The following AGBL1 variants were observed in gnomAD, a reference collection of about 807,000 sequenced individuals.
The protein encoded by AGBL1 is AGBL carboxypeptidase 1, also known as cytosolic carboxypeptidase 4.
Under a neutral mutation model 118.9 loss-of-function variants are expected in AGBL1, and 130 were observed. The observed-to-expected ratio is 1.09, with a 90% confidence interval of 0.95 to 1.26. The LOEUF is 1.26. Ranked by LOEUF, AGBL1 falls within the 50% of genes most tolerant of loss-of-function variation. The probability of loss-of-function intolerance (pLI) is 0.00; values close to 1 mark genes in which losing one functional copy is unlikely to be tolerated. For synonymous variants in AGBL1, 555 were observed against 478.9 expected, an observed-to-expected ratio of 1.16 and a Z score of -2.08; for missense variants, 1,584 against 1,298.1, an observed-to-expected ratio of 1.22 and a Z score of -3.38.
intron 6 of AGBL1, among the ~76,000 whole-genome samples, chr15:86,230,923 C>A (rs2078445283): frequency 6.6e-6 from 1 of 152,122 alleles, no homozygotes; most frequent in Non-Finnish European, 1.5e-5. Flanking sequence ...AACAGGGCTC[C>A]TGTGAACACA....
intron 24 of AGBL1, among the ~76,000 whole-genome samples, chr15:87,028,426 T>C (rs1177610961): frequency 6.6e-6 from 1 of 151,972 alleles, no homozygotes; most frequent in African/African-American, 2.4e-5. Flanking sequence ...TATAGAACTT[T>C]TAAAGATTAA....
intron 4 of AGBL1, among the ~76,000 whole-genome samples, chr15:86,157,330 C>T (rs1326270804): frequency 2.0e-5 from 3 of 152,154 alleles, no homozygotes; most frequent in Non-Finnish European, 4.4e-5. Context: ...ATATAAAGGA[C>T]AACTCTCATT....
rs75631984 is a variant in AGBL1 at position 86,686,765 on chromosome 15, T to C, written c.3158+12329T>C. Among the ~76,000 whole-genome samples the C allele has an allele frequency of 8.9e-3, 1,354 of 152,262 alleles. 6 individuals are homozygous for C. The highest frequency in any genetic ancestry group is 0.013 in the Non-Finnish European group (917 of 68,024). On this transcript the variant is annotated intron_variant, in intron 22 of 22. Coordinates refer to ENST00000614907, the MANE Select transcript of AGBL1 (RefSeq NM_001386094.1). The stretch of plus-strand genomic sequence containing the variant: ...AAGTTTTTATTCATATGAATTTTTA[T>C]CATCTCTCACAACAAATAGTCATGA...
rs376910062 is a variant in AGBL1 at position 86,843,058 on chromosome 15, G to A, written c.3159-64029G>A. On this transcript the variant is annotated intron_variant, in intron 22 of 22. Coordinates refer to ENST00000614907, the MANE Select transcript of AGBL1 (RefSeq NM_001386094.1). Reference sequence around the variant, plus strand: ...GACATTCAAGGTAGATTTGGGGGCCGTCTACCAAGCACTTTGAGTGAGTGG... The same window carrying A: ...GACATTCAAGGTAGATTTGGGGGCCATCTACCAAGCACTTTGAGTGAGTGG... Among the ~76,000 whole-genome samples, 10 of 152,246 alleles carry A rather than the reference G, an allele frequency of 6.6e-5. No individual in the cohort carries two copies. In the East Asian group the frequency reaches 1.2e-3, roughly 18 times the overall value.
chr15:86,704,020 A>G (rs761418888), intron 22 of AGBL1, among the ~76,000 whole-genome samples: 8 of 152,196 alleles, frequency 5.3e-5, no homozygotes, highest in Non-Finnish European at 8.8e-5. Flanking sequence ...AACAAACCTG[A>G]CAAAAATAAG....
intron 17 of AGBL1, among the ~76,000 whole-genome samples, chr15:86,380,146 A>C (rs2081092086): frequency 6.6e-6 from 1 of 152,120 alleles, no homozygotes; most frequent in Non-Finnish European, 1.5e-5. Flanking sequence ...CTGACGACCA[A>C]AAAATTCTCA....
chr15:86,125,447 G>A (rs1444308), intron 1 of AGBL1, among the ~76,000 whole-genome samples: 27,963 of 152,050 alleles, frequency 0.18, 2,979 homozygotes, highest in Non-Finnish European at 0.23. Context: ...GTCCTTTTTG[G>A]CTTGTTTTGC....
chr15:86,695,834 C>T (rs2086246316), intron 22 of AGBL1, among the ~76,000 whole-genome samples: 1 of 151,898 alleles, frequency 6.6e-6, no homozygotes, highest in Non-Finnish European at 1.5e-5. Context: ...TAATTTCCAT[C>T]TTGATTTCAT....
At position 86,154,498 on chromosome 15, in the gene AGBL1, AACCT is replaced by A; in HGVS notation, c.333_336del (p.Leu112ProfsTer61). On this transcript the variant is annotated frameshift_variant, in exon 4 of 23. Transcript: ENST00000614907. LOFTEE classifies it high-confidence loss of function. ...TGTGACATTGATTCTGGCCAGGAAG[AACCT>A]ATCCCATGGCCAGAATCTCCTCCAC... 8 of 1,613,276 alleles carry A rather than the reference AACCT, an allele frequency of 5.0e-6. No homozygotes were observed. Among genetic ancestry groups the A allele is most frequent in the Non-Finnish European group, 5.9e-6 (7 of 1,179,596 alleles).
rs143453952 is a variant in AGBL1, at chr15:86,775,178, G to C, written c.3158+100742G>C. Among the ~76,000 whole-genome samples the C allele has an allele frequency of 3.3e-4, 50 of 152,234 alleles. No homozygotes were observed. The East Asian group carries it at 6.2e-3, about 19-fold the overall frequency. ...TCAATGTGGAACATGAACAGAAAGA[G>C]GCTAGAGACAGGGAGGTGACTTAAA... On this transcript the variant is annotated intron_variant, in intron 22 of 22. Transcript: ENST00000614907.
intron 17 of AGBL1, among the ~76,000 whole-genome samples, chr15:86,348,083 C>T (rs1182508542): frequency 6.6e-6 from 1 of 152,196 alleles, no homozygotes; most frequent in Non-Finnish European, 1.5e-5. Flanking sequence ...TTCTCTTTCA[C>T]CTCCCAGCTG....
intron 24 of AGBL1, among the ~76,000 whole-genome samples, chr15:87,014,446 A>G (rs952977429): frequency 2.6e-5 from 4 of 152,188 alleles, no homozygotes; most frequent in African/African-American, 4.8e-5. Context: ...AGTGACTGCA[A>G]TATTGTCCCT....
At chr15:86,233,918 C>G (rs952404627) in intron 6 of AGBL1, among the ~76,000 whole-genome samples, 2 of 152,092 alleles carry the variant, frequency 1.3e-5, no homozygotes, top group African/African-American at 4.8e-5. Flanking sequence ...CCAAGGTGGC[C>G]AGGGTGTTCC....
chr15:86,813,622 C>G (rs565234247), intron 22 of AGBL1, among the ~76,000 whole-genome samples: 1 of 152,108 alleles, frequency 6.6e-6, no homozygotes, highest in African/African-American at 2.4e-5. Flanking sequence ...CTCTGGAGTC[C>G]TCACCTGGCT....
chr15:86,691,393 A>G (rs990549567), intron 22 of AGBL1, among the ~76,000 whole-genome samples: 8 of 152,122 alleles, frequency 5.3e-5, no homozygotes, highest in Non-Finnish European at 1.0e-4. Context: ...TTCAGTACTG[A>G]ATTAGTGAAT....
intron 16 of AGBL1, among the ~76,000 whole-genome samples, chr15:86,290,733 A>T (rs975180964): frequency 6.6e-6 from 1 of 151,760 alleles, no homozygotes; most frequent in African/African-American, 2.4e-5. Flanking sequence ...GTACACGTGC[A>T]CAGTGTGCAG....
intron 24 of AGBL1, among the ~76,000 whole-genome samples, chr15:87,005,185 G>T (rs577574883): frequency 3.3e-5 from 5 of 152,106 alleles, no homozygotes; most frequent in Admixed American, 6.5e-5. Flanking sequence ...TGCTCTTCTC[G>T]AGGAATATCT....
chr15:86,932,028 A>T (rs371643041), intron 23 of AGBL1, among the ~76,000 whole-genome samples: 66 of 152,324 alleles, frequency 4.3e-4, no homozygotes, highest in African/African-American at 1.5e-3. Flanking sequence ...AGAGTTATAA[A>T]GCTGGAAGGG....
chr15:86,486,874 C>A (rs150140084), intron 18 of AGBL1, among the ~76,000 whole-genome samples: 1 of 152,110 alleles, frequency 6.6e-6, no homozygotes, highest in African/African-American at 2.4e-5. Context: ...GACCTCTGTA[C>A]ATGGATTCCT....
Sources: gnomAD v4.1 joint callset for allele counts (sites outside exome capture counted in the v4.1 genomes callset) on GRCh38, gnomAD v4.1.1 for gene constraint, MANE v1.5 for transcripts, NCBI Gene and HGNC (gene_info 2026-07-23, HGNC 2026-07-21) for gene names.